Variants in PCK1 observed in about 807,000 individuals in gnomAD.
PCK1 encodes phosphoenolpyruvate carboxykinase 1.
PCK1 carries 44 observed loss-of-function variants against 50.3 expected under a neutral mutation model. The ratio of observed to expected loss-of-function variants is 0.87; its 90% CI spans 0.69 to 1.12. PCK1 has a LOEUF of 1.12. Among genes scored for constraint, PCK1 ranks in the 50% most tolerant of loss-of-function variants. PCK1 has a pLI of 0.00. For synonymous variants in PCK1, 332 were observed against 314.3 expected, an observed-to-expected ratio of 1.06 and a Z score of -0.59; for missense variants, 790 against 815.0, an observed-to-expected ratio of 0.97 and a Z score of 0.37.
At chr20:57,562,002 C>T in intron 2 of PCK1, 69 bp from the exon 3 acceptor site, 1 of 1,341,380 alleles carries the variant, frequency 7.5e-7, no homozygotes, top group Non-Finnish European at 1.1e-6. Flanking sequence ...GCATGGAAAG[C>T]CACGGTACTG....
Position 57,561,926 on chromosome 20 carries a change from C to T in PCK1, c.225-145C>T, listed in dbSNP as rs2070147646. 7.5e-6 allele frequency: 5 copies of T among 665,300 alleles called. No homozygotes were observed. In the East Asian group the frequency reaches 1.4e-4, roughly 18 times the overall value. The allele number at this position is 665,300 out of a possible 1,614,324, so 41.2% of individuals were successfully genotyped here. On this transcript the variant is annotated intron_variant, in intron 2 of 9. Coordinates refer to ENST00000319441, the MANE Select transcript of PCK1 (RefSeq NM_002591.4). ...CTAGTGGAGTAAATGTCCACCTGGC[C>T]ATGTCTTAGATGGTCTGTGTGTTCA...
In PCK1 at chr20:57,564,104, TATA is replaced by T; in HGVS notation, c.962-63_962-61del. 4 of 1,011,982 alleles carry T rather than the reference TATA, an allele frequency of 4.0e-6. No homozygotes were observed. The South Asian group carries it at 5.9e-5, about 15-fold the overall frequency. The allele number at this position is 1,011,982 out of a possible 1,614,324, so 62.7% of individuals were successfully genotyped here. A position where few individuals can be genotyped will look rare whatever the true frequency, so the allele number is the denominator to read the frequency against. On this transcript the variant is annotated intron_variant, in intron 6 of 9. Transcript: ENST00000319441. ...TGGCATAGAAATTAGTCCGGCAATA[TATA>T]AGAGTATATGTTCTGCTTTGCCTGG...
chr20:57,565,308 G>C, intron 9 of PCK1, 42 bp from the exon 10 acceptor site: 1 of 1,527,544 alleles, frequency 6.5e-7, no homozygotes, highest in Non-Finnish European at 9.1e-7. Flanking sequence ...GTCTTGCCTA[G>C]GAGAGCCTCA....
At chr20:57,561,672 C>T (rs184577872) in intron 2 of PCK1, 37 bp downstream of exon 2, 2 of 1,413,516 alleles carry the variant, frequency 1.4e-6, no homozygotes. Flanking sequence ...CAGCACCCTG[C>T]AGGCAGGGCT....
rs28359552 is a variant in PCK1, at chr20:57,565,300, C to CT, written c.1415-48dup. 4.1e-4 allele frequency: 603 copies of CT among 1,483,662 alleles called. 3 individuals carry two copies. The African/African-American group carries it at 7.2e-3, about 18-fold the overall frequency. The allele number at this position is 1,483,662 out of a possible 1,614,324, so 91.9% of individuals were successfully genotyped here. A position where few individuals can be genotyped will look rare whatever the true frequency, so the allele number is the denominator to read the frequency against. On this transcript the variant is annotated intron_variant, in intron 9 of 9. Transcript: ENST00000319441. ...AATGTCAACAATCAATGGCGTCAGTCTTGCCTAGGAGAGCCTCATTTACTA... is the reference window on the plus strand; with the variant it reads ...AATGTCAACAATCAATGGCGTCAGTCTTTGCCTAGGAGAGCCTCATTTACTA...
rs2146527436 is a variant in PCK1 at position 57,562,724 on chromosome 20, C to T, written c.435C>T (p.Ser145=). 6.2e-7 allele frequency: 1 copy of T among 1,613,974 alleles called. No homozygotes were observed. The highest frequency in any genetic ancestry group is 8.5e-7 in the Non-Finnish European group (1 of 1,179,924). Residue 145 remains serine, a synonymous_variant, in exon 4 of 10, where the codon AGC becomes AGT. Coordinates refer to ENST00000319441, the MANE Select transcript of PCK1 (RefSeq NM_002591.4). ...GCACCATGTACGTCATCCCATTCAGCATGGGGCCGCTGGGCTCGCCTCTGT... is the reference window on the plus strand; with the variant it reads ...GCACCATGTACGTCATCCCATTCAGTATGGGGCCGCTGGGCTCGCCTCTGT... ...KGRTMYVIPF[S]MGPLGSPLSK...
chr20:57,564,251 C>G lies in PCK1; in HGVS notation c.1044C>G (p.Ile348Met), dbSNP rs1455891265. ...GTSVKTNPNA[I>M]KTIQKNTIFT... ...CAGTGAAGACCAACCCCAATGCCAT[C>G]AAGACCATCCAGAAGAACACAATCT... Residue 348 changes from isoleucine (I) to methionine (M), a missense_variant, in exon 7 of 10, where the codon ATC becomes ATG. By Grantham distance (10) the Ile-to-Met change is conservative (BLOSUM62 1). Coordinates refer to ENST00000319441, the MANE Select transcript of PCK1 (RefSeq NM_002591.4). 6.2e-7 allele frequency: 1 copy of G among 1,614,138 alleles called. No individual in the cohort carries two copies. The highest frequency in any genetic ancestry group is 1.7e-5 in the Admixed American group (1 of 60,030).
rs373906233 is a variant in PCK1, at chr20:57,563,141, G to A, written c.724G>A (p.Gly242Arg). The change falls in exon 5 of 10, where the codon GGG becomes AGG. Residue 242 changes from glycine (G) to arginine (R), a missense_variant. Gly to Arg is a moderately radical substitution (Grantham distance 125, BLOSUM62 -2). Transcript: ENST00000319441. Reference sequence around the variant, plus strand: ...TGGGTACGGCGGGAACTCGCTGCTCGGGAAGAAGTGCTTTGCTCTCAGGAT... The same window carrying A: ...TGGGTACGGCGGGAACTCGCTGCTCAGGAAGAAGTGCTTTGCTCTCAGGAT... ...GSGYGGNSLL[G>R]KKCFALRMAS... 6.4e-5 allele frequency: 103 copies of A among 1,613,688 alleles called. No homozygotes were observed. The highest frequency in any genetic ancestry group is 8.2e-5 in the Non-Finnish European group (97 of 1,180,016).
rs185439146 is a variant in PCK1, at chr20:57,564,299, C to A, written c.1092C>A (p.Ser364Arg). Residue 364 changes from serine to arginine, a missense_variant, in exon 7 of 10, where the codon AGC (serine) becomes AGA (arginine). By Grantham distance (110) the Ser-to-Arg change is moderately radical. Transcript: ENST00000319441. ...NTIFTNVAET[S>R]DGGVYWEGID... Reference sequence around the variant, plus strand: ...TCTTTACCAATGTGGCCGAGACCAGCGACGGGGGCGTTTACTGGGAAGGCA... The same window carrying A: ...TCTTTACCAATGTGGCCGAGACCAGAGACGGGGGCGTTTACTGGGAAGGCA... 4 of 1,614,002 alleles carry A rather than the reference C, an allele frequency of 2.5e-6. No homozygotes were observed. Among genetic ancestry groups the A allele is most frequent in the Non-Finnish European group, 3.4e-6 (4 of 1,179,936 alleles).
In PCK1 at chr20:57,565,519, A is replaced by G. The variant is rs201552009; in HGVS notation, c.1584A>G (p.Pro528=). 2 of 1,614,234 alleles carry G rather than the reference A, an allele frequency of 1.2e-6. No homozygotes were observed. The highest frequency in any genetic ancestry group is 1.7e-5 in the Admixed American group (1 of 60,028). ...RKDKEGKFLW[P]GFGENSRVLE... ...ACAAGGAAGGCAAATTCCTCTGGCC[A>G]GGCTTTGGAGAGAACTCCAGGGTGC... Residue 528 remains proline, a synonymous_variant, in exon 10 of 10, where the codon CCA becomes CCG. Transcript: ENST00000319441.
At chr20:57,562,526 C>A (rs1600706530) in intron 3 of PCK1, 170 bp from the exon 4 acceptor site, 3 of 642,292 alleles carry the variant, frequency 4.7e-6, no homozygotes, top group East Asian at 5.5e-5. Context: ...TTAATTTCAG[C>A]AGGCTGTTCA....
At position 57,565,702 on chromosome 20, in the gene PCK1, G is replaced by A. The variant is rs752140516; in HGVS notation, c.1767G>A (p.Val589=). 30 of 1,613,678 alleles carry A rather than the reference G, an allele frequency of 1.9e-5. No individual in the cohort carries two copies. In the East Asian group the frequency reaches 6.0e-4, roughly 32 times the overall value. Residue 589 remains valine, a synonymous_variant, in exon 10 of 10, where the codon GTG becomes GTA. Coordinates refer to ENST00000319441, the MANE Select transcript of PCK1 (RefSeq NM_002591.4). ...SISKEFWEKE[V]EDIEKYLEDQ... Reference sequence around the variant, plus strand: ...CCAAGGAATTCTGGGAGAAGGAGGTGGAAGACATCGAGAAGTATCTGGAGG... The same window carrying A: ...CCAAGGAATTCTGGGAGAAGGAGGTAGAAGACATCGAGAAGTATCTGGAGG...
chr20:57,563,688 G>C lies in PCK1; in HGVS notation c.922G>C (p.Val308Leu). ...PSLPGWKVEC[V>L]GDDIAWMKFD... ...CCTCCCCGGGTGGAAGGTTGAGTGC[G>C]TCGGGGATGACATTGCCTGGATGAA... The change falls in exon 6 of 10, where the codon GTC (valine) becomes CTC (leucine). Residue 308 changes from valine (V) to leucine (L), a missense_variant. By Grantham distance (32) the Val-to-Leu change is conservative. Coordinates refer to ENST00000319441, the MANE Select transcript of PCK1 (RefSeq NM_002591.4). 1 of 1,613,346 alleles carries C rather than the reference G, an allele frequency of 6.2e-7. No homozygotes were observed. The highest frequency in any genetic ancestry group is 8.5e-7 in the Non-Finnish European group (1 of 1,179,634).
At chr20:57,562,647 C>T (rs372244233) in intron 3 of PCK1, 49 bp from the exon 4 acceptor site, 67 of 1,509,430 alleles carry the variant, frequency 4.4e-5, no homozygotes, top group East Asian at 1.6e-4. Flanking sequence ...TGGTCGTGTT[C>T]GAAGTCCAAG....
Position 57,562,910 on chromosome 20 carries a change from T to C in PCK1, c.610+11T>C, listed in dbSNP as rs778011626. Reference sequence around the variant, plus strand: ...CTCTGCCTTTACAAAGTAAGTGTATTATTTCAGAATCAAAAGTCAAAATAA... The same window carrying C: ...CTCTGCCTTTACAAAGTAAGTGTATCATTTCAGAATCAAAAGTCAAAATAA... On this transcript the variant is annotated intron_variant, in intron 4 of 9. Coordinates refer to ENST00000319441, the MANE Select transcript of PCK1 (RefSeq NM_002591.4). 1.3e-6 allele frequency: 2 copies of C among 1,596,754 alleles called. No individual in the cohort carries two copies. The highest frequency in any genetic ancestry group is 8.6e-7 in the Non-Finnish European group (1 of 1,165,184).
In PCK1 at chr20:57,565,658, A is replaced by G. The variant is rs138431434; in HGVS notation, c.1723A>G (p.Met575Val). ...NLKGLGHINMMELFSISKEFW... is the reference protein window; with the variant it reads ...NLKGLGHINMVELFSISKEFW... ...GAAAGGCCTGGGGCACATCAACATGATGGAGCTTTTCAGCATCTCCAAGGA... is the reference window on the plus strand; with the variant it reads ...GAAAGGCCTGGGGCACATCAACATGGTGGAGCTTTTCAGCATCTCCAAGGA... The change falls in exon 10 of 10, where the codon ATG becomes GTG. Residue 575 changes from methionine to valine, a missense_variant. Transcript: ENST00000319441. 3.1e-6 allele frequency: 5 copies of G among 1,613,994 alleles called. No homozygotes were observed. The highest frequency in any genetic ancestry group is 2.2e-5 in the East Asian group (1 of 44,902).
Position 57,563,038 on chromosome 20 carries a change from C to T in PCK1, c.621C>T (p.Val207=), listed in dbSNP as rs767089508. 1 of 1,613,178 alleles carries T rather than the reference C, an allele frequency of 6.2e-7. No individual in the cohort carries two copies. The highest frequency in any genetic ancestry group is 2.2e-5 in the East Asian group (1 of 44,876). The change falls in exon 5 of 10, where the codon GTC becomes GTT. Residue 207 remains valine (V), a synonymous_variant. Coordinates refer to ENST00000319441, the MANE Select transcript of PCK1 (RefSeq NM_002591.4). Reference sequence around the variant, plus strand: ...GGTCCTTGTTCACAGAGCCTTTGGTCAACAACTGGCCCTGCAACCCGGAGC... The same window carrying T: ...GGTCCTTGTTCACAGAGCCTTTGGTTAACAACTGGCCCTGCAACCCGGAGC... ...GCPLPLQKPL[V]NNWPCNPELT...
chr20:57,561,300 A>C, intron 1 of PCK1, 72 bp from the exon 2 acceptor site: 1 of 700,292 alleles, frequency 1.4e-6, no homozygotes, highest in South Asian at 1.8e-5. Flanking sequence ...CAGCCCTGGC[A>C]AAAGGCCGTC....
rs1362997754 is a variant in PCK1 at position 57,566,443 on chromosome 20, G to A, written c.*639G>A. On this transcript the variant is annotated 3_prime_UTR_variant, in exon 10 of 10. Transcript: ENST00000319441. Reference sequence around the variant, plus strand: ...TCTTGGAAAAAAATTACAAAATGAAGTTTTATAGAAAAGATGGATTTGCTT... The same window carrying A: ...TCTTGGAAAAAAATTACAAAATGAAATTTTATAGAAAAGATGGATTTGCTT... 1.3e-5 allele frequency: 2 copies of A among 152,032 alleles called. No individual in the cohort carries two copies. Among genetic ancestry groups the A allele is most frequent in the African/African-American group, 2.4e-5 (1 of 41,380 alleles). The allele number at this position is 152,032 out of a possible 1,614,324, so 9.4% of individuals were successfully genotyped here.
Sources: gnomAD v4.1 joint callset for allele counts on GRCh38, gnomAD v4.1.1 for gene constraint, MANE v1.5 for transcripts, NCBI Gene and HGNC (gene_info 2026-07-23, HGNC 2026-07-21) for gene names.